The following MINPP1 variants were observed in gnomAD, a reference collection of about 807,000 sequenced individuals.
MINPP1 encodes the protein multiple inositol-polyphosphate phosphatase 1.
A neutral mutation model predicts 46.1 loss-of-function variants in MINPP1; 28 were observed. That is an observed-to-expected ratio of 0.61 (90% CI 0.45 to 0.83). MINPP1 has a LOEUF of 0.83. Among genes scored for constraint, MINPP1 ranks in the 40% least tolerant of loss-of-function variants. MINPP1 has a pLI of 0.00. For missense variants in MINPP1, 603 were observed against 610.0 expected, an observed-to-expected ratio of 0.99 and a Z score of 0.12; for synonymous variants, 268 against 249.1, an observed-to-expected ratio of 1.08 and a Z score of -0.72.
intron 4 of MINPP1, among the ~76,000 whole-genome samples, chr10:87,528,067 T>C (rs867757149): frequency 6.6e-6 from 1 of 152,204 alleles, no homozygotes; most frequent in African/African-American, 2.4e-5. Context: ...CTTTATCATT[T>C]TTTATTGTGT....
chr10:87,514,984 G>A (rs1427769654), intron 3 of MINPP1, among the ~76,000 whole-genome samples: 1 of 151,792 alleles, frequency 6.6e-6, no homozygotes, highest in Non-Finnish European at 1.5e-5. Context: ...CCAAAGTGCT[G>A]GTATTACAGG....
intron 2 of MINPP1, among the ~76,000 whole-genome samples, chr10:87,512,327 C>T (rs941483019): frequency 3.9e-5 from 6 of 152,152 alleles, no homozygotes; most frequent in Non-Finnish European, 8.8e-5. Context: ...ATCATTTGAG[C>T]AGCTAAGTTT....
At chr10:87,517,936 ACAGGTGTGAGC>A (rs1351780455) in intron 3 of MINPP1, among the ~76,000 whole-genome samples, 1 of 150,330 alleles carries the variant, frequency 6.7e-6, no homozygotes, top group Non-Finnish European at 1.5e-5. Flanking sequence ...TGTTGGGATT[ACAGGTGTGAGC>A]CACTGCACCT....
chr10:87,544,561 T>C (rs528797282), intron 4 of MINPP1, among the ~76,000 whole-genome samples: 40 of 152,318 alleles, frequency 2.6e-4, no homozygotes, highest in African/African-American at 9.1e-4. Context: ...ATCCTGAAGC[T>C]ATCAATCAAC....
chr10:87,521,086 G>C lies in MINPP1; in HGVS notation c.984G>C (p.Gly328=), dbSNP rs1383095043. Residue 328 remains glycine (G), a synonymous_variant, in exon 4 of 5, where the codon GGG becomes GGC. Coordinates refer to ENST00000371996, the MANE Select transcript of MINPP1 (RefSeq NM_004897.5). The stretch of plus-strand genomic sequence containing the variant: ...AACAATATTGGAAAAGAGGATATGG[G>C]TATACTATTAACAGTCGATCCAGCT... ...DLKQYWKRGY[G]YTINSRSSCT... The C allele has an allele frequency of 2.8e-5, 41 of 1,447,322 alleles. No homozygotes were observed. The highest frequency in any genetic ancestry group is 3.7e-5 in the Non-Finnish European group (38 of 1,029,406). The allele number at this position is 1,447,322 out of a possible 1,614,324, so 89.7% of individuals were successfully genotyped here. A position where few individuals can be genotyped will look rare whatever the true frequency, so the allele number is the denominator to read the frequency against.
At chr10:87,509,105 C>T (rs1354074762) in intron 2 of MINPP1, among the ~76,000 whole-genome samples, 5 of 152,224 alleles carry the variant, frequency 3.3e-5, no homozygotes, top group South Asian at 4.1e-4. Context: ...AAAGGGAACA[C>T]TATTAATAAT....
At chr10:87,533,972 T>C (rs1038788135) in intron 4 of MINPP1, among the ~76,000 whole-genome samples, 1 of 151,584 alleles carries the variant, frequency 6.6e-6, no homozygotes, top group African/African-American at 2.4e-5. Flanking sequence ...TTCCATGGAG[T>C]TTAGCCAGGG....
intron 2 of MINPP1, among the ~76,000 whole-genome samples, chr10:87,508,978 T>C (rs140087933): frequency 4.7e-4 from 72 of 152,310 alleles, no homozygotes; most frequent in African/African-American, 1.6e-3. Flanking sequence ...ATGATGTTTT[T>C]TGAGTTATAT....
In MINPP1 at chr10:87,552,641, T is replaced by C; in HGVS notation, c.*163T>C. The C allele has an allele frequency of 1.4e-6, 1 of 704,500 alleles. No homozygotes were observed. The highest frequency in any genetic ancestry group is 2.0e-5 in the South Asian group (1 of 50,358). The allele number at this position is 704,500 out of a possible 1,614,324, so 43.6% of individuals were successfully genotyped here. The stretch of plus-strand genomic sequence containing the variant: ...TTTCTCTCTGGGTTTGGACATGAAA[T>C]GTAAGAAAAGATTTTTCACTGGAGC... On this transcript the variant is annotated 3_prime_UTR_variant, in exon 5 of 5. Coordinates refer to ENST00000371996, the MANE Select transcript of MINPP1 (RefSeq NM_004897.5).
intron 4 of MINPP1, among the ~76,000 whole-genome samples, chr10:87,529,497 G>C (rs1300672024): frequency 1.3e-5 from 2 of 152,084 alleles, no homozygotes; most frequent in East Asian, 3.9e-4. Context: ...TGAAATTCTG[G>C]GTTGAAAATT....
chr10:87,535,680 C>T (rs1826618103), intron 4 of MINPP1, among the ~76,000 whole-genome samples: 2 of 152,080 alleles, frequency 1.3e-5, no homozygotes, highest in Non-Finnish European at 1.5e-5. Context: ...GTAATCCCAG[C>T]ACTTTGGGAG....
In MINPP1 at chr10:87,517,167, C is replaced by T. The variant is rs866875552; in HGVS notation, c.934-3869C>T. On this transcript the variant is annotated intron_variant, in intron 3 of 4. Transcript: ENST00000371996. ...ATCCATACAACAAACTCCCACGACACAAGTTAAAAAAAAAGCTTCCCATTT... is the reference window on the plus strand; with the variant it reads ...ATCCATACAACAAACTCCCACGACATAAGTTAAAAAAAAAGCTTCCCATTT... Among the ~76,000 whole-genome samples, 20 of 151,706 alleles carry T rather than the reference C, an allele frequency of 1.3e-4. No homozygotes were observed. In the Middle Eastern group the frequency reaches 0.01, roughly 77 times the overall value.
In MINPP1 at chr10:87,552,064, C is replaced by G. The variant is rs1851970820; in HGVS notation, c.1068-18C>G. 1 of 1,597,104 alleles carries G rather than the reference C, an allele frequency of 6.3e-7. No individual in the cohort carries two copies. The highest frequency in any genetic ancestry group is 1.7e-4 in the Middle Eastern group (1 of 5,992). The stretch of plus-strand genomic sequence containing the variant: ...CATTAATATATATACCTTATTTTCT[C>G]TTAATTTCTATTTGAAGGTCTCAGC... On this transcript the variant is annotated intron_variant, in intron 4 of 4. Transcript: ENST00000371996.
intron 4 of MINPP1, among the ~76,000 whole-genome samples, chr10:87,533,049 A>G (rs1851682265): frequency 1.3e-5 from 2 of 151,386 alleles, no homozygotes; most frequent in Non-Finnish European, 2.9e-5. Context: ...ATAAGTGAGT[A>G]TTTTGACATC....
intron 4 of MINPP1, among the ~76,000 whole-genome samples, chr10:87,528,268 T>C (rs1335185326): frequency 6.6e-6 from 1 of 152,210 alleles, no homozygotes; most frequent in Non-Finnish European, 1.5e-5. Context: ...ATGTGTTTGC[T>C]CTTGTTTCTC....
chr10:87,511,557 C>T (rs572193125), intron 2 of MINPP1, among the ~76,000 whole-genome samples: 2 of 152,076 alleles, frequency 1.3e-5, no homozygotes, highest in African/African-American at 2.4e-5. Flanking sequence ...TAAGTCAGAG[C>T]TATAACTTAA....
Position 87,505,689 on chromosome 10 carries a change from C to CTACG in MINPP1, c.637+139_637+142dup, listed in dbSNP as rs1851236683. 3 of 775,584 alleles carry CTACG rather than the reference C, an allele frequency of 3.9e-6. No individual in the cohort carries two copies. Among genetic ancestry groups the CTACG allele is most frequent in the Non-Finnish European group, 6.1e-6 (3 of 489,214 alleles). The allele number at this position is 775,584 out of a possible 1,614,324, so 48.0% of individuals were successfully genotyped here. A position where few individuals can be genotyped will look rare whatever the true frequency, so the allele number is the denominator to read the frequency against. On this transcript the variant is annotated intron_variant, in intron 1 of 4. Coordinates refer to ENST00000371996, the MANE Select transcript of MINPP1 (RefSeq NM_004897.5). This position sits in a 1 kb window ranked among gnomAD's most constrained non-coding sequence, Gnocchi z 4.4. ...TTTTCCCAAGCCATCATCCCTCGGG[C>CTACG]TACGTCCTCCCTGTCGAGGGATATT... is the stretch of plus-strand genomic sequence containing the variant.
intron 2 of MINPP1, 66 bp downstream of exon 2, chr10:87,508,599 A>G: frequency 7.0e-7 from 1 of 1,421,650 alleles, no homozygotes; most frequent in Non-Finnish European, 9.9e-7. Context: ...TGAAAATGAA[A>G]ACATAAGGAA....
chr10:87,525,180 G>A (rs1229809281), intron 4 of MINPP1, among the ~76,000 whole-genome samples: 1 of 152,160 alleles, frequency 6.6e-6, no homozygotes, highest in Non-Finnish European at 1.5e-5. Flanking sequence ...ACAATTCAGT[G>A]TTTTAGTATA....
Sources: gnomAD v4.1 joint callset for allele counts (sites outside exome capture counted in the v4.1 genomes callset) on GRCh38, gnomAD v4.1.1 for gene constraint, Gnocchi (gnomAD v3.1) non-coding constraint, MANE v1.5 for transcripts, NCBI Gene and HGNC (gene_info 2026-07-23, HGNC 2026-07-21) for gene names.